The following GPC6 variants were observed in gnomAD, a reference collection of about 807,000 sequenced individuals.
GPC6 encodes the protein glypican 6.
Under a neutral mutation model 55.2 loss-of-function variants are expected in GPC6, and 14 were observed. The observed-to-expected ratio is 0.25, with a 90% CI of 0.17 to 0.40. GPC6 has a LOEUF of 0.40. Among genes scored for constraint, GPC6 ranks in the 10% least tolerant of loss-of-function variants. The pLI is 1.00. For missense variants in GPC6, 641 were observed against 708.5 expected, an observed-to-expected ratio of 0.90 and a Z score of 1.08; for synonymous variants, 278 against 259.6, an observed-to-expected ratio of 1.07 and a Z score of -0.68.
intron 1 of GPC6, among the ~76,000 whole-genome samples, chr13:93,327,997 C>G (rs1240109585): frequency 3.3e-5 from 5 of 151,890 alleles, no homozygotes; most frequent in African/African-American, 1.2e-4. Context: ...TAAAAAACAA[C>G]TTTAAAAAAA....
intron 3 of GPC6, among the ~76,000 whole-genome samples, chr13:93,960,799 G>A (rs1340211913): frequency 1.4e-5 from 2 of 141,012 alleles, no homozygotes; most frequent in African/African-American, 5.5e-5. Context: ...TTTATTGCTG[G>A]AATTTTTTTT....
At chr13:93,275,980 T>G (rs1197715951) in intron 1 of GPC6, among the ~76,000 whole-genome samples, 3 of 152,136 alleles carry the variant, frequency 2.0e-5, no homozygotes, top group African/African-American at 7.2e-5. Flanking sequence ...GTTCACGCCA[T>G]TCTCCTGCCT....
chr13:93,965,437 G>T (rs534341948), intron 3 of GPC6, among the ~76,000 whole-genome samples: 1 of 151,864 alleles, frequency 6.6e-6, no homozygotes, highest in African/African-American at 2.4e-5. Context: ...AAATAACCAC[G>T]AATACTTTGC....
chr13:93,746,392 C>T lies in GPC6; in HGVS notation c.320-83762C>T, dbSNP rs376626293. Among the ~76,000 whole-genome samples the T allele has an allele frequency of 9.2e-5, 14 of 152,184 alleles. 1 individual carries two copies. The East Asian group carries it at 1.9e-3, about 21-fold the overall frequency. On this transcript the variant is annotated intron_variant, in intron 2 of 8. Coordinates refer to ENST00000377047, the MANE Select transcript of GPC6 (RefSeq NM_005708.5). ...TACATTCATGAAGAGTCCAAGACAA[C>T]GCCAAGATTCAAGGCATTCCCAGAA...
At chr13:94,265,405 A>G (rs1310438010) in intron 4 of GPC6, among the ~76,000 whole-genome samples, 2 of 152,158 alleles carry the variant, frequency 1.3e-5, no homozygotes, top group Non-Finnish European at 2.9e-5. Flanking sequence ...CTGGGTGGCT[A>G]AGCCAGTCTA....
chr13:93,358,161 A>G (rs1351027503), intron 1 of GPC6, among the ~76,000 whole-genome samples: 1 of 152,144 alleles, frequency 6.6e-6, no homozygotes, highest in African/African-American at 2.4e-5. Context: ...AGCACAGGCA[A>G]CATAGCAAGA....
intron 3 of GPC6, among the ~76,000 whole-genome samples, chr13:93,894,814 T>G (rs139043017): frequency 6.6e-6 from 1 of 152,158 alleles, no homozygotes; most frequent in East Asian, 1.9e-4. Flanking sequence ...CACATAAAAA[T>G]TCAAATTGAG....
chr13:93,403,742 A>G lies in GPC6; in HGVS notation c.161-141521A>G, dbSNP rs188847237. 5.0e-3 allele frequency among the ~76,000 whole-genome samples: 763 copies of G among 152,278 alleles called. 18 individuals are homozygous for G. The highest frequency in any genetic ancestry group is 0.043 in the Admixed American group (651 of 15,280). ...TGCCTCAGATATTGTTTTTAAAGGCAATTGGAGCCTTCTTTGTGAGTTTAA... is the reference window on the plus strand; with the variant it reads ...TGCCTCAGATATTGTTTTTAAAGGCGATTGGAGCCTTCTTTGTGAGTTTAA... On this transcript the variant is annotated intron_variant, in intron 1 of 8. Transcript: ENST00000377047.
chr13:93,235,029 AAATT>A (rs1224063488), intron 1 of GPC6, among the ~76,000 whole-genome samples: 24 of 152,318 alleles, frequency 1.6e-4, no homozygotes, highest in African/African-American at 5.8e-4. Context: ...AAAAAACTTC[AAATT>A]TTTTACCCTA....
At chr13:93,701,931 A>G (rs1882683675) in intron 2 of GPC6, among the ~76,000 whole-genome samples, 1 of 152,054 alleles carries the variant, frequency 6.6e-6, no homozygotes, top group Middle Eastern at 3.2e-3. Context: ...GAAAGACTTC[A>G]AATCCATCAG....
chr13:94,310,995 TA>T (rs1876215515), intron 6 of GPC6, among the ~76,000 whole-genome samples: 1 of 152,130 alleles, frequency 6.6e-6, no homozygotes, highest in Non-Finnish European at 1.5e-5. Context: ...TTCAAGGGAT[TA>T]AAAAATAGGT....
intron 4 of GPC6, among the ~76,000 whole-genome samples, chr13:94,107,742 A>G (rs997196153): frequency 6.6e-6 from 1 of 152,130 alleles, no homozygotes; most frequent in South Asian, 2.1e-4. Context: ...TGAATAGACA[A>G]TTCTCAAAAG....
chr13:94,368,461 C>T (rs1024861016), intron 6 of GPC6, among the ~76,000 whole-genome samples: 1 of 151,988 alleles, frequency 6.6e-6, no homozygotes, highest in Non-Finnish European at 1.5e-5. Context: ...CAAAACCTAC[C>T]CAAACATTAC....
chr13:93,934,161 A>G (rs370716645), intron 3 of GPC6, among the ~76,000 whole-genome samples: 2 of 152,284 alleles, frequency 1.3e-5, no homozygotes, highest in East Asian at 1.9e-4. Flanking sequence ...GAAAATATAC[A>G]TACAAGGTTA....
At chr13:93,440,027 C>A (rs1325802260) in intron 1 of GPC6, among the ~76,000 whole-genome samples, 2 of 152,198 alleles carry the variant, frequency 1.3e-5, no homozygotes, top group Non-Finnish European at 2.9e-5. Context: ...ATACCCATAT[C>A]TTACTTTATC....
chr13:93,806,622 G>C (rs927428024), intron 2 of GPC6, among the ~76,000 whole-genome samples: 1 of 152,174 alleles, frequency 6.6e-6, no homozygotes, highest in Admixed American at 6.5e-5. Context: ...TTACAGGTGT[G>C]AGTCACCACA....
chr13:93,937,332 A>G (rs1461796383), intron 3 of GPC6, among the ~76,000 whole-genome samples: 3 of 152,354 alleles, frequency 2.0e-5, no homozygotes, highest in Admixed American at 6.5e-5. Flanking sequence ...ATTTTATACA[A>G]GAACAGCCTT....
intron 4 of GPC6, among the ~76,000 whole-genome samples, chr13:94,090,204 G>T (rs538607392): frequency 4.9e-4 from 74 of 152,046 alleles, no homozygotes; most frequent in Non-Finnish European, 8.7e-4. Context: ...GTGTGCAGGG[G>T]AACTGCCCTT....
rs1426953403 is a variant in GPC6, at chr13:93,760,141, T to TC, written c.320-70013_320-70012insC. 3.9e-5 allele frequency among the ~76,000 whole-genome samples: 6 copies of TC among 152,014 alleles called. No homozygotes were observed. The South Asian group carries it at 1.2e-3, about 32-fold the overall frequency. On this transcript the variant is annotated intron_variant, in intron 2 of 8. Transcript: ENST00000377047. ...TGATTTTTTACAGAAAGCTAAGAAA[T>TC]AGGTGGTACTGTGTATGATTCCCAT...
Sources: gnomAD v4.1 joint callset for allele counts (sites outside exome capture counted in the v4.1 genomes callset) on GRCh38, gnomAD v4.1.1 for gene constraint, MANE v1.5 for transcripts, NCBI Gene and HGNC (gene_info 2026-07-23, HGNC 2026-07-21) for gene names.